The following ANKRD42 variants were observed in gnomAD, a reference collection of about 807,000 sequenced individuals.
ANKRD42 encodes ankyrin repeat domain 42.
A neutral mutation model predicts 51.5 loss-of-function variants in ANKRD42; 43 were observed. The ratio of observed to expected loss-of-function variants is 0.83; its 90% CI spans 0.65 to 1.08. ANKRD42 has a LOEUF of 1.08. ANKRD42 is among the 50% of genes least tolerant of loss of function. The pLI is 0.00. For missense variants in ANKRD42, 608 were observed against 629.3 expected, an observed-to-expected ratio of 0.97 and a Z score of 0.36; for synonymous variants, 203 against 213.0, an observed-to-expected ratio of 0.95 and a Z score of 0.41.
At chr11:83,251,580 A>T (rs1243276356), downstream of ANKRD42, among the ~76,000 whole-genome samples, 1 of 152,156 alleles carries the variant, frequency 6.6e-6, no homozygotes, top group Non-Finnish European at 1.5e-5. Context: ...GTCTAGCCCC[A>T]AGTCTATGCT....
rs1395284751 is a variant in ANKRD42 at position 83,248,402 on chromosome 11, C to T, written c.*198C>T. On this transcript the variant is annotated 3_prime_UTR_variant, in exon 11 of 11. Transcript: ENST00000533342. The stretch of plus-strand genomic sequence containing the variant: ...TGTCTATCTATCTTCAAACAGCAGC[C>T]TAGTTCATAAGTATTATTGTTAACA... 7.8e-7 allele frequency: 1 copy of T among 1,281,080 alleles called. No individual in the cohort carries two copies. Among genetic ancestry groups the T allele is most frequent in the Non-Finnish European group, 9.8e-7 (1 of 1,019,598 alleles). The allele number at this position is 1,281,080 out of a possible 1,614,324, so 79.4% of individuals were successfully genotyped here.
At chr11:83,231,018 A>G (rs138290359) in intron 7 of ANKRD42, among the ~76,000 whole-genome samples, 1,900 of 152,338 alleles carry the variant, frequency 0.012, 42 homozygotes, top group African/African-American at 0.043. Flanking sequence ...TGCAACAAAC[A>G]TAGGAGTGAA....
downstream of ANKRD42, chr11:83,259,466 C>T (rs1236777676): frequency 8.5e-5 from 13 of 152,190 alleles, no homozygotes; most frequent in African/African-American, 2.4e-4. Context: ...TGAGAAAGAA[C>T]GCAGATCTAT....
intron 2 of ANKRD42, among the ~76,000 whole-genome samples, chr11:83,199,354 G>T (rs1489183142): frequency 1.3e-5 from 2 of 151,930 alleles, no homozygotes; most frequent in Non-Finnish European, 2.9e-5. Context: ...TATTTTGAAT[G>T]ACATACATTA....
intron 2 of ANKRD42, among the ~76,000 whole-genome samples, chr11:83,198,977 T>A (rs551778059): frequency 6.6e-6 from 1 of 152,318 alleles, no homozygotes; most frequent in South Asian, 2.1e-4. Flanking sequence ...TCACTCAAGA[T>A]GTCTCTGGTG....
At chr11:83,210,659 A>G (rs188404129) in intron 4 of ANKRD42, among the ~76,000 whole-genome samples, 12 of 152,332 alleles carry the variant, frequency 7.9e-5, no homozygotes, top group African/African-American at 2.9e-4. Context: ...TGGGTTCTTC[A>G]TGCCAGTTCA....
chr11:83,211,546 C>T (rs1436761967), intron 5 of ANKRD42, 116 bp downstream of exon 5: 79 of 1,202,276 alleles, frequency 6.6e-5, no homozygotes, highest in Non-Finnish European at 9.1e-5. Context: ...TCTGTAATCT[C>T]AGCACTTTGA....
At chr11:83,232,705 A>G (rs1200608044) in intron 7 of ANKRD42, among the ~76,000 whole-genome samples, 3 of 152,058 alleles carry the variant, frequency 2.0e-5, no homozygotes, top group African/African-American at 2.4e-5. Flanking sequence ...TCACTATTAT[A>G]CTAGCTGTGG....
In ANKRD42 at chr11:83,211,364, T is replaced by C. The variant is rs769845467; in HGVS notation, c.520T>C (p.Cys174Arg). ...HYAAFHGRLG[C>R]LQLLVKWGCS... ...TGCAGCTTTTCATGGGCGGCTTGGC[T>C]GCTTGCAACTTCTTGTTAAATGGGG... Residue 174 changes from cysteine (C) to arginine (R), a missense_variant, in exon 5 of 11, where the codon TGC becomes CGC. By Grantham distance (180) the Cys-to-Arg change is radical (BLOSUM62 -3). Coordinates refer to ENST00000533342, the MANE Select transcript of ANKRD42 (RefSeq NM_001300975.2). 1 of 1,614,116 alleles carries C rather than the reference T, an allele frequency of 6.2e-7. No homozygotes were observed. The highest frequency in any genetic ancestry group is 1.3e-5 in the African/African-American group (1 of 74,942).
chr11:83,224,595 T>C (rs909319130), intron 5 of ANKRD42, among the ~76,000 whole-genome samples: 1 of 152,192 alleles, frequency 6.6e-6, no homozygotes, highest in African/African-American at 2.4e-5. Context: ...GTGTTATTTC[T>C]TTTTTCAAGT....
At chr11:83,199,478 C>T (rs1022218681) in intron 2 of ANKRD42, among the ~76,000 whole-genome samples, 1 of 152,034 alleles carries the variant, frequency 6.6e-6, no homozygotes, top group African/African-American at 2.4e-5. Flanking sequence ...TTTCTTTCAG[C>T]CATGTCGTTT....
At chr11:83,219,344 C>T (rs1341774622) in intron 5 of ANKRD42, among the ~76,000 whole-genome samples, 9 of 152,204 alleles carry the variant, frequency 5.9e-5, no homozygotes, top group South Asian at 2.1e-4. Flanking sequence ...TCTGCCAATG[C>T]GTCTTACCTA....
chr11:83,221,678 T>C (rs910793131), intron 5 of ANKRD42, among the ~76,000 whole-genome samples: 20 of 152,188 alleles, frequency 1.3e-4, no homozygotes, highest in East Asian at 7.7e-4. Flanking sequence ...TCATTCCAAA[T>C]TGGGGAGGTC....
chr11:83,211,328 C>A lies in ANKRD42; in HGVS notation c.484C>A (p.Pro162Thr), dbSNP rs1259949276. 6.2e-7 allele frequency: 1 copy of A among 1,614,152 alleles called. No homozygotes were observed. Residue 162 changes from proline to threonine, a missense_variant, in exon 5 of 11, where the codon CCT (proline) becomes ACT (threonine). Coordinates refer to ENST00000533342, the MANE Select transcript of ANKRD42 (RefSeq NM_001300975.2). ...TGTGACTGATAAGAGAGAATGGAGA[C>A]CTGTGCATTATGCAGCTTTTCATGG... ...PSVTDKREWR[P>T]VHYAAFHGRL...
intron 5 of ANKRD42, among the ~76,000 whole-genome samples, chr11:83,217,146 A>C (rs760367800): frequency 1.3e-5 from 2 of 152,342 alleles, no homozygotes; most frequent in Non-Finnish European, 2.9e-5. Context: ...CAAGGCCCAA[A>C]GGCAAGTAAT....
At chr11:83,235,205 A>G (rs1459855716) in intron 7 of ANKRD42, among the ~76,000 whole-genome samples, 1 of 152,212 alleles carries the variant, frequency 6.6e-6, no homozygotes, top group African/African-American at 2.4e-5. Flanking sequence ...GCCAAAAATA[A>G]TTAGGTTCTT....
At position 83,219,786 on chromosome 11, in the gene ANKRD42, C is replaced by T. The variant is rs144488888; in HGVS notation, c.587-5069C>T. ...GGAAATGCCCTAAGACTTCTACTATCCACATGAAAATTACCTGTCTTTAAA... is the reference window on the plus strand; with the variant it reads ...GGAAATGCCCTAAGACTTCTACTATTCACATGAAAATTACCTGTCTTTAAA... On this transcript the variant is annotated intron_variant, in intron 5 of 10. Transcript: ENST00000533342. Among the ~76,000 whole-genome samples, 11 of 152,320 alleles carry T rather than the reference C, an allele frequency of 7.2e-5. No homozygotes were observed. In the East Asian group the frequency reaches 2.1e-3, roughly 29 times the overall value.
At chr11:83,235,442 T>C (rs148405201) in intron 7 of ANKRD42, among the ~76,000 whole-genome samples, 3 of 152,328 alleles carry the variant, frequency 2.0e-5, no homozygotes, top group Non-Finnish European at 4.4e-5. Context: ...GATGAGGAAA[T>C]TGATGTTTAG....
chr11:83,255,351 G>A (rs1312088437), intron 11 of ANKRD42, among the ~76,000 whole-genome samples: 1 of 152,254 alleles, frequency 6.6e-6, no homozygotes, highest in East Asian at 1.9e-4. Context: ...CAGGAGACCA[G>A]GCAAAGTGCA....
Sources: allele counts gnomAD v4.1 joint callset (sites outside exome capture counted in the v4.1 genomes callset), GRCh38; gene constraint gnomAD v4.1.1; transcripts MANE v1.5; gene names NCBI Gene and HGNC (gene_info 2026-07-23, HGNC 2026-07-21).